SLC6A11: variants seen among roughly 807,000 people sequenced by gnomAD.
SLC6A11 encodes solute carrier family 6 member 11, also known as sodium- and chloride-dependent GABA transporter 3.
Under a neutral mutation model 74.8 loss-of-function variants are expected in SLC6A11, and 25 were observed. The ratio of observed to expected loss-of-function variants is 0.33; its 90% confidence interval spans 0.24 to 0.47. The LOEUF is 0.47. Among genes scored for constraint, SLC6A11 ranks in the 20% least tolerant of loss-of-function variants. The pLI, the probability that SLC6A11 is intolerant of heterozygous loss-of-function variation, is 1.00. For synonymous variants in SLC6A11, 330 were observed against 330.2 expected, an observed-to-expected ratio of 1.00 and a Z score of 0.01; for missense variants, 574 against 837.0, an observed-to-expected ratio of 0.69 and a Z score of 3.88.
In SLC6A11 at chr3:10,935,135, C is replaced by G; in HGVS notation, c.1682C>G (p.Ser561Cys). The change falls in exon 13 of 14, where the codon TCC (serine) becomes TGC (cysteine). Residue 561 changes from serine (S) to cysteine (C), a missense_variant. By Grantham distance (112) the Ser-to-Cys change is moderately radical. Transcript: ENST00000254488. ...ATTGGCTGGCTCATGGCCCTGTCCTCCATGCTCTGCATCCCGCTCTGGATC... is the reference window on the plus strand; with the variant it reads ...ATTGGCTGGCTCATGGCCCTGTCCTGCATGCTCTGCATCCCGCTCTGGATC... ...YGIGWLMALS[S>C]MLCIPLWICI... 1 of 1,614,274 alleles carries G rather than the reference C, an allele frequency of 6.2e-7. No homozygotes were observed. The highest frequency in any genetic ancestry group is 8.5e-7 in the Non-Finnish European group (1 of 1,180,042).
chr3:10,888,837 A>ATACCATATACAGTAGG lies in SLC6A11; in HGVS notation c.891+13744_891+13745insCCATATACAGTAGGTA, dbSNP rs1218500810. On this transcript the variant is annotated intron_variant, in intron 6 of 13. Coordinates refer to ENST00000254488, the MANE Select transcript of SLC6A11 (RefSeq NM_014229.3). ...CACCTTATGTTTATTCATCCACCAA[A>ATACCATATACAGTAGG]TATTTGTTGAGTACCTACTGTATGC... Among the ~76,000 whole-genome samples the ATACCATATACAGTAGG allele has an allele frequency of 3.3e-5, 5 of 152,246 alleles. No individual in the cohort carries two copies. The East Asian group carries it at 9.7e-4, about 29-fold the overall frequency.
At chr3:10,832,254 G>A (rs1048113679) in intron 4 of SLC6A11, among the ~76,000 whole-genome samples, 13 of 152,274 alleles carry the variant, frequency 8.5e-5, no homozygotes, top group African/African-American at 3.1e-4. Flanking sequence ...GCCCCACAGA[G>A]GATCTCTTCT....
intron 9 of SLC6A11, among the ~76,000 whole-genome samples, chr3:10,927,572 C>T (rs1349515377): frequency 6.6e-6 from 1 of 152,248 alleles, no homozygotes; most frequent in Non-Finnish European, 1.5e-5. Flanking sequence ...GGCCTACACA[C>T]TGCAGTGTCT....
intron 8 of SLC6A11, among the ~76,000 whole-genome samples, chr3:10,919,005 C>T (rs746643976): frequency 5.9e-5 from 9 of 152,112 alleles, no homozygotes; most frequent in Non-Finnish European, 7.3e-5. Flanking sequence ...CCCACCACAG[C>T]GGTCTGCTTC....
At position 10,832,887 on chromosome 3, in the gene SLC6A11, AATACAGC is replaced by A. The variant is rs568387134; in HGVS notation, c.623+9497_623+9503del. On this transcript the variant is annotated intron_variant, in intron 4 of 13. Transcript: ENST00000254488. The stretch of plus-strand genomic sequence containing the variant: ...GAAGTAGGTTTAAGTAAAAGAAGAA[AATACAGC>A]ACACAACAGGATTTGGGTTTCCAAG... 4.6e-5 allele frequency among the ~76,000 whole-genome samples: 7 copies of A among 152,340 alleles called. No homozygotes were observed. The East Asian group carries it at 1.4e-3, about 29-fold the overall frequency.
chr3:10,826,972 A>G (rs1296690849), intron 4 of SLC6A11, among the ~76,000 whole-genome samples: 1 of 152,206 alleles, frequency 6.6e-6, no homozygotes, highest in Non-Finnish European at 1.5e-5. Flanking sequence ...TTCTATTCAG[A>G]TTGCATCTCT....
chr3:10,816,933 A>G lies in SLC6A11; in HGVS notation c.256+412A>G, dbSNP rs575724129. ...AAGTGGTCTCAGTTTTTGCGCGCTT[A>G]CTGAAGTGCCGAGCACCTTTGACCA... On this transcript the variant is annotated intron_variant, in intron 1 of 13. Transcript: ENST00000254488. The surrounding 1 kb of genome is among the most constrained non-coding windows in gnomAD (Gnocchi z 4.2). Among the ~76,000 whole-genome samples the G allele has an allele frequency of 6.6e-6, 1 of 152,314 alleles. No homozygotes were observed. The highest frequency in any genetic ancestry group is 6.5e-5 in the Admixed American group (1 of 15,304).
intron 8 of SLC6A11, among the ~76,000 whole-genome samples, chr3:10,925,136 G>A (rs1695586336): frequency 2.0e-5 from 3 of 152,186 alleles, no homozygotes; most frequent in African/African-American, 7.2e-5. Flanking sequence ...TGATTGTCGT[G>A]GTGGTTATCT....
At chr3:10,919,664 G>A (rs992579466) in intron 8 of SLC6A11, among the ~76,000 whole-genome samples, 3 of 152,212 alleles carry the variant, frequency 2.0e-5, no homozygotes, top group Admixed American at 1.3e-4. Flanking sequence ...AGATGCAAGG[G>A]CCCCTGAGGA....
intron 6 of SLC6A11, among the ~76,000 whole-genome samples, chr3:10,889,067 A>AT (rs1169944065): frequency 6.6e-6 from 1 of 152,090 alleles, no homozygotes; most frequent in Non-Finnish European, 1.5e-5. Flanking sequence ...TGCACATTAA[A>AT]TTTTGCAGAT....
chr3:10,836,967 C>T (rs530289849), intron 4 of SLC6A11, among the ~76,000 whole-genome samples: 5 of 152,324 alleles, frequency 3.3e-5, no homozygotes, highest in South Asian at 2.1e-4. Flanking sequence ...GTATGCCTTG[C>T]GAGACTGAAG....
intron 8 of SLC6A11, among the ~76,000 whole-genome samples, chr3:10,925,077 G>C (rs1695585506): frequency 6.6e-6 from 1 of 152,204 alleles, no homozygotes; most frequent in South Asian, 2.1e-4. Flanking sequence ...AGACAGCAAG[G>C]GGCCTCAAGG....
chr3:10,936,589 C>A (rs1695762586), intron 13 of SLC6A11, among the ~76,000 whole-genome samples: 1 of 152,224 alleles, frequency 6.6e-6, no homozygotes, highest in African/African-American at 2.4e-5. Flanking sequence ...AGGGGCCAGC[C>A]ACAAAGGAAA....
chr3:10,873,433 T>TGG (rs1694855852), intron 5 of SLC6A11, among the ~76,000 whole-genome samples: 2 of 150,730 alleles, frequency 1.3e-5, no homozygotes, highest in African/African-American at 2.5e-5. Context: ...TCCTATCCTA[T>TGG]CCTATCCTAT....
intron 1 of SLC6A11, among the ~76,000 whole-genome samples, chr3:10,818,106 G>A (rs1370597903): frequency 1.3e-5 from 2 of 148,624 alleles, no homozygotes; most frequent in Non-Finnish European, 3.0e-5. Flanking sequence ...GTTGTAGTGA[G>A]TAAAGTTTTT....
In SLC6A11 at chr3:10,940,318, C is replaced by G. The variant is rs552199153; in HGVS notation, c.*1916C>G. 6.6e-6 allele frequency: 1 copy of G among 152,252 alleles called. No homozygotes were observed. The highest frequency in any genetic ancestry group is 2.1e-4 in the South Asian group (1 of 4,834). 9.4% of individuals were successfully genotyped at this position (152,252 alleles called of 1,614,324 possible). ...TCCCAGCAGGCCCCAGGCAAGGAGGCTTCCCATTGCTGCTGCTACCGGTTC... is the reference window on the plus strand; with the variant it reads ...TCCCAGCAGGCCCCAGGCAAGGAGGGTTCCCATTGCTGCTGCTACCGGTTC... On this transcript the variant is annotated 3_prime_UTR_variant, in exon 14 of 14. Coordinates refer to ENST00000254488, the MANE Select transcript of SLC6A11 (RefSeq NM_014229.3).
intron 6 of SLC6A11, among the ~76,000 whole-genome samples, chr3:10,896,884 C>T (rs1695177808): frequency 6.6e-6 from 1 of 152,162 alleles, no homozygotes; most frequent in Non-Finnish European, 1.5e-5. Context: ...ATGTATTAGT[C>T]CATATTCACG....
chr3:10,855,800 G>A (rs1350379145), intron 5 of SLC6A11, among the ~76,000 whole-genome samples: 5 of 152,196 alleles, frequency 3.3e-5, no homozygotes, highest in Non-Finnish European at 7.3e-5. Context: ...TTTCCCGGAA[G>A]CAGGAGAAAT....
At chr3:10,891,456 A>G (rs1029616597) in intron 6 of SLC6A11, among the ~76,000 whole-genome samples, 13 of 152,354 alleles carry the variant, frequency 8.5e-5, no homozygotes, top group Admixed American at 3.9e-4. Context: ...TATTCATAAA[A>G]TCATGTGTCA....
Sources: allele counts gnomAD v4.1 joint callset (sites outside exome capture counted in the v4.1 genomes callset), GRCh38; gene constraint gnomAD v4.1.1; non-coding constraint Gnocchi (gnomAD v3.1); transcripts MANE v1.5; gene names NCBI Gene and HGNC (gene_info 2026-07-23, HGNC 2026-07-21).